Variants in NBPF11 observed in about 807,000 individuals in gnomAD.
The protein encoded by NBPF11 is NBPF member 11.
In NBPF11, 72 loss-of-function variants were observed where a neutral mutation model predicts 93.9. The observed-to-expected ratio is 0.77, with a 90% CI of 0.63 to 0.93. The LOEUF (loss-of-function observed/expected upper bound fraction) is 0.93. Among genes scored for constraint, NBPF11 ranks in the 40% least tolerant of loss-of-function variants. The pLI, the probability that NBPF11 is intolerant of heterozygous loss-of-function variation, is 0.00. For synonymous variants in NBPF11, 224 were observed against 304.9 expected (o/e 0.73, Z 2.76); for missense variants, 705 against 802.2 (o/e 0.88, Z 1.46).
chr1:148,149,329 C>T (rs1171605129), intron 1 of NBPF11: 44 of 1,597,036 alleles, frequency 2.8e-5, no homozygotes, highest in Admixed American at 2.0e-4. Flanking sequence ...ACTGCTTCGA[C>T]GCCTTCCCTA....
chr1:148,104,489 C>T (rs1663051471), intron 23 of NBPF11, 48 bp downstream of exon 23: 4 of 589,608 alleles, frequency 6.8e-6, no homozygotes, highest in Non-Finnish European at 8.9e-6. Flanking sequence ...AATCTGTTGC[C>T]TCCAGGTGTT....
intron 2 of NBPF11, among the ~76,000 whole-genome samples, chr1:148,141,775 C>G (rs1672206265): frequency 6.6e-6 from 1 of 151,572 alleles, no homozygotes; most frequent in African/African-American, 2.4e-5. Flanking sequence ...CAGCAGCTGC[C>G]CCAGTGGCAC....
intron 7 of NBPF11, 122 bp from the exon 8 acceptor site, chr1:148,122,923 T>C: frequency 1.9e-6 from 3 of 1,563,544 alleles, no homozygotes; most frequent in East Asian, 2.2e-5. Context: ...AAAACTCTCA[T>C]GTTTTATCCT....
rs1309979225 is a variant in NBPF11, at chr1:148,149,407, C to A, written c.-549+2343G>T. The A allele has an allele frequency of 3.2e-6, 5 of 1,580,540 alleles. No homozygotes were observed. The East Asian group carries it at 6.7e-5, about 21-fold the overall frequency. On this transcript the variant is annotated intron_variant, in intron 1 of 23. Transcript: ENST00000682118. ...TCCACGGCAGGGAGGACGAGGTGAT[C>A]GACTTCTCGCACGGGCTGGCGCTCT...
chr1:148,106,150 C>G (rs1292237369), intron 21 of NBPF11, 31 bp downstream of exon 21: 15 of 772,366 alleles, frequency 1.9e-5, no homozygotes, highest in African/African-American at 6.9e-5. Flanking sequence ...GATGTCAACA[C>G]AGAAGTAGCT....
intron 2 of NBPF11, among the ~76,000 whole-genome samples, chr1:148,141,628 G>T (rs1369655530): frequency 1.3e-5 from 2 of 150,756 alleles, no homozygotes; most frequent in African/African-American, 2.4e-5. Flanking sequence ...TAACCCTGGG[G>T]TGCCCCCGGA....
At position 148,108,519 on chromosome 1, in the gene NBPF11, C is replaced by G. The variant is rs1231218514; in HGVS notation, c.1989G>C (p.Leu663Phe). The stretch of plus-strand genomic sequence containing the variant: ...CAGCCAAGCCAATACGCTGTTGCTC[C>G]AATACGTAAAAGGCACTTCTGTAGG... Reference protein sequence around the residue: ...CQPYRSAFYVLEQQRIGLAVD... With the variant: ...CQPYRSAFYVFEQQRIGLAVD... The change falls in exon 18 of 24, where the codon TTG (leucine) becomes TTC (phenylalanine). Residue 663 changes from leucine to phenylalanine, a missense_variant. Transcript: ENST00000682118. 1 of 1,599,898 alleles carries G rather than the reference C, an allele frequency of 6.3e-7. No homozygotes were observed. The highest frequency in any genetic ancestry group is 8.5e-7 in the Non-Finnish European group (1 of 1,170,102).
chr1:148,146,855 CG>C (rs1673207509), intron 1 of NBPF11: 1 of 1,613,818 alleles, frequency 6.2e-7, no homozygotes, highest in Admixed American at 1.7e-5. Context: ...GGTGCCAGCT[CG>C]GGCAGGCCTT....
intron 9 of NBPF11, 89 bp from the exon 10 acceptor site, chr1:148,120,799 C>G (rs1192113424): frequency 5.2e-6 from 5 of 960,672 alleles, no homozygotes; most frequent in Non-Finnish European, 8.5e-6. Flanking sequence ...CACTGGTAGC[C>G]TTGTTTACTT....
intron 1 of NBPF11, among the ~76,000 whole-genome samples, chr1:148,144,279 G>GC (rs1253701818): frequency 4.0e-5 from 6 of 149,200 alleles, no homozygotes; most frequent in South Asian, 4.4e-4. Flanking sequence ...AGTAACAAAA[G>GC]CCCCAAAATC....
chr1:148,132,517 T>C (rs1359773047), intron 4 of NBPF11, among the ~76,000 whole-genome samples: 4 of 150,058 alleles, frequency 2.7e-5, no homozygotes, highest in Non-Finnish European at 3.0e-5. Flanking sequence ...AGCTTGAAAA[T>C]TTCTACCAAA....
intron 20 of NBPF11, 23 bp from the exon 21 acceptor site, chr1:148,106,255 C>T (rs1196088576): frequency 3.0e-5 from 19 of 627,714 alleles, no homozygotes; most frequent in South Asian, 1.4e-4. Context: ...CAGACAGGGA[C>T]AGACAAAATA....
chr1:148,144,240 CTCACTGAGCTT>C (rs1313632624), intron 1 of NBPF11, among the ~76,000 whole-genome samples: 1 of 148,426 alleles, frequency 6.7e-6, no homozygotes, highest in Non-Finnish European at 1.5e-5. Flanking sequence ...TACAGGCTGT[CTCACTGAGCTT>C]TCACTAGGTT....
chr1:148,122,990 G>C lies in NBPF11; in HGVS notation c.494-189C>G, dbSNP rs1159513487. On this transcript the variant is annotated intron_variant, in intron 7 of 23. Transcript: ENST00000682118. Reference sequence around the variant, plus strand: ...CATCAGGCAATGCATTTCTGATGTGGAGGGCCACCATCAAGATGTGGCCAA... The same window carrying C: ...CATCAGGCAATGCATTTCTGATGTGCAGGGCCACCATCAAGATGTGGCCAA... 2.2e-3 allele frequency among the ~76,000 whole-genome samples: 302 copies of C among 137,252 alleles called. 1 individual carries two copies. The highest frequency in any genetic ancestry group is 7.2e-3 in the African/African-American group (290 of 40,470). The allele number at this position is 137,252 out of a possible 152,430, so 90.0% of individuals were successfully genotyped here. A position where few individuals can be genotyped will look rare whatever the true frequency, so the allele number is the denominator to read the frequency against.
At chr1:148,120,163 A>T (rs1279281002) in intron 10 of NBPF11, among the ~76,000 whole-genome samples, 1 of 152,078 alleles carries the variant, frequency 6.6e-6, no homozygotes, top group East Asian at 1.9e-4. Flanking sequence ...AACAGACTAG[A>T]TGTTATTTGT....
intron 3 of NBPF11, among the ~76,000 whole-genome samples, 198 bp downstream of exon 3, chr1:148,137,513 G>A (rs1451689702): frequency 0.011 from 1,598 of 144,894 alleles, no homozygotes; most frequent in African/African-American, 0.043. Flanking sequence ...GAACCCGGCC[G>A]CTTCATTCCA....
At chr1:148,110,202 A>T (rs1664914321) in intron 16 of NBPF11, among the ~76,000 whole-genome samples, 176 bp downstream of exon 16, 1 of 151,624 alleles carries the variant, frequency 6.6e-6, no homozygotes, top group Non-Finnish European at 1.5e-5. Context: ...TCACTGACCC[A>T]CCCCATGCCT....
At chr1:148,124,597 C>T (rs2149245241) in intron 6 of NBPF11, among the ~76,000 whole-genome samples, 1 of 151,698 alleles carries the variant, frequency 6.6e-6, no homozygotes, top group Non-Finnish European at 1.5e-5. Flanking sequence ...AATAGCACAC[C>T]ATTTTGATTA....
chr1:148,136,306 A>C (rs1320129393), intron 3 of NBPF11, among the ~76,000 whole-genome samples: 2 of 151,798 alleles, frequency 1.3e-5, no homozygotes, highest in Admixed American at 1.3e-4. Flanking sequence ...AATAGGAAAA[A>C]CTGGAAACAT....
Sources: gnomAD v4.1 joint callset for allele counts (sites outside exome capture counted in the v4.1 genomes callset) on GRCh38, gnomAD v4.1.1 for gene constraint, MANE v1.5 for transcripts, NCBI Gene and HGNC (gene_info 2026-07-23, HGNC 2026-07-21) for gene names.